Variants in SNX13 observed in about 807,000 individuals in gnomAD.
The protein encoded by SNX13 is sorting nexin-13.
In SNX13, 45 loss-of-function variants were observed where a neutral mutation model predicts 133.6. The ratio of observed to expected loss-of-function variants is 0.34; its 90% CI spans 0.27 to 0.43. The LOEUF (loss-of-function observed/expected upper bound fraction) is 0.43. Ranked by LOEUF, SNX13 falls within the 20% of genes least tolerant of loss-of-function variation. SNX13 has a pLI of 1.00. For synonymous variants in SNX13, 414 were observed against 373.9 expected (o/e 1.11, Z -1.24); for missense variants, 1,032 against 1,145.1 (o/e 0.90, Z 1.43).
intron 1 of SNX13, among the ~76,000 whole-genome samples, chr7:17,930,033 T>G: frequency 6.7e-6 from 1 of 148,908 alleles, no homozygotes; most frequent in East Asian, 1.9e-4. Flanking sequence ...GTTTTGAAAA[T>G]AAACCACTTG....
At chr7:17,865,222 TAC>T (rs374456124) in intron 9 of SNX13, among the ~76,000 whole-genome samples, 4 of 152,228 alleles carry the variant, frequency 2.6e-5, no homozygotes, top group African/African-American at 7.2e-5. Context: ...AACTGTGGTG[TAC>T]AATCCACTCA....
chr7:17,847,140 TAAAG>T (rs1322379259), intron 11 of SNX13, among the ~76,000 whole-genome samples: 3 of 152,192 alleles, frequency 2.0e-5, no homozygotes, highest in East Asian at 3.9e-4. Context: ...AGGAAGTAGT[TAAAG>T]AAAAGCACAA....
At chr7:17,798,293 A>T (rs2128283922) in intron 24 of SNX13, among the ~76,000 whole-genome samples, 1 of 152,002 alleles carries the variant, frequency 6.6e-6, no homozygotes, top group Non-Finnish European at 1.5e-5. Context: ...ATTACAACAT[A>T]GCCAGAGAGA....
At chr7:17,936,910 A>G (rs1802107022) in intron 1 of SNX13, among the ~76,000 whole-genome samples, 1 of 151,578 alleles carries the variant, frequency 6.6e-6, no homozygotes, top group Admixed American at 6.6e-5. Context: ...GTACACTATG[A>G]CAAATTTTTT....
intron 20 of SNX13, among the ~76,000 whole-genome samples, chr7:17,807,697 G>T (rs1375902674): frequency 1.3e-5 from 2 of 152,190 alleles, no homozygotes; most frequent in Non-Finnish European, 2.9e-5. Context: ...GGGGTCGACA[G>T]ACACCTCATA....
chr7:17,890,918 C>T (rs1048237806), intron 4 of SNX13, among the ~76,000 whole-genome samples: 40 of 151,860 alleles, frequency 2.6e-4, no homozygotes, highest in African/African-American at 8.2e-4. Context: ...CCATTGCAGT[C>T]TAATTATAAA....
intron 1 of SNX13, among the ~76,000 whole-genome samples, chr7:17,911,435 T>A (rs113230132): frequency 0.12 from 18,177 of 151,976 alleles, 1,250 homozygotes; most frequent in African/African-American, 0.17. Context: ...GGTCAGGAGT[T>A]CAAGACCAGA....
At chr7:17,822,595 G>C (rs1787418434) in intron 17 of SNX13, among the ~76,000 whole-genome samples, 3 of 152,082 alleles carry the variant, frequency 2.0e-5, no homozygotes, top group Admixed American at 2.0e-4. Flanking sequence ...CCATCTCCAA[G>C]TTCACAGGAT....
At chr7:17,898,135 GC>G (rs1331485649) in intron 1 of SNX13, 2 of 149,238 alleles carry the variant, frequency 1.3e-5, no homozygotes, top group East Asian at 2.0e-4. Context: ...AAAAAAAAAC[GC>G]CTTTTATTAA....
chr7:17,915,379 G>A (rs569245857), intron 1 of SNX13, among the ~76,000 whole-genome samples: 10 of 152,324 alleles, frequency 6.6e-5, no homozygotes, highest in Middle Eastern at 3.4e-3. Context: ...CCCCCTGGGC[G>A]GCACTGGGGA....
intron 1 of SNX13, among the ~76,000 whole-genome samples, chr7:17,914,834 T>C (rs548423644): frequency 1.6e-4 from 24 of 152,254 alleles, no homozygotes; most frequent in African/African-American, 5.3e-4. Flanking sequence ...TAAAGCCAAC[T>C]AGCTAACAAC....
chr7:17,931,399 C>T (rs995602507), intron 1 of SNX13, among the ~76,000 whole-genome samples: 8 of 152,152 alleles, frequency 5.3e-5, no homozygotes, highest in African/African-American at 1.7e-4. Context: ...TTTTATTTCA[C>T]ATTTAACTCT....
intron 9 of SNX13, among the ~76,000 whole-genome samples, chr7:17,857,053 T>C (rs1042463038): frequency 2.0e-5 from 3 of 151,924 alleles, no homozygotes; most frequent in African/African-American, 7.2e-5. Context: ...TGAAAATGGA[T>C]ATACTACAAC....
At chr7:17,872,336 C>T (rs2128350792) in intron 8 of SNX13, among the ~76,000 whole-genome samples, 1 of 152,214 alleles carries the variant, frequency 6.6e-6, no homozygotes, top group East Asian at 1.9e-4. Flanking sequence ...GAAAAGATGG[C>T]AAGACATGCG....
chr7:17,823,399 T>C (rs544819569), intron 17 of SNX13, among the ~76,000 whole-genome samples: 2 of 152,302 alleles, frequency 1.3e-5, no homozygotes, highest in East Asian at 3.9e-4. Context: ...CATTTTGCTA[T>C]TTCGTATATA....
intron 1 of SNX13, among the ~76,000 whole-genome samples, chr7:17,937,307 T>C (rs1424540298): frequency 1.3e-5 from 2 of 152,110 alleles, no homozygotes; most frequent in African/African-American, 2.4e-5. Flanking sequence ...AAATGGTCCT[T>C]AATTGATCAC....
intron 1 of SNX13, among the ~76,000 whole-genome samples, chr7:17,907,946 A>C (rs1326109356): frequency 2.0e-5 from 3 of 152,130 alleles, no homozygotes; most frequent in Non-Finnish European, 1.5e-5. Flanking sequence ...GTGACTTCCA[A>C]AACTGTGCCT....
At chr7:17,894,981 T>C (rs1562484987) in intron 2 of SNX13, among the ~76,000 whole-genome samples, 1 of 152,202 alleles carries the variant, frequency 6.6e-6, no homozygotes, top group African/African-American at 2.4e-5. Context: ...GGTCTCAGAA[T>C]TACTGCTAAA....
chr7:17,928,945 C>G (rs1801075207), intron 1 of SNX13, among the ~76,000 whole-genome samples: 1 of 151,894 alleles, frequency 6.6e-6, no homozygotes, highest in South Asian at 2.1e-4. Context: ...AGTATATAAA[C>G]CATTCTATTT....
Sources: allele counts gnomAD v4.1 joint callset (sites outside exome capture counted in the v4.1 genomes callset), GRCh38; gene constraint gnomAD v4.1.1; transcripts MANE v1.5; gene names NCBI Gene and HGNC (gene_info 2026-07-23, HGNC 2026-07-21).